CSPP1: variants seen among roughly 807,000 people sequenced by gnomAD.
The protein encoded by CSPP1 is centrosome and spindle pole associated protein 1.
CSPP1 carries 126 observed loss-of-function variants against 164.4 expected under a neutral mutation model. The observed-to-expected ratio is 0.77, with a 90% CI of 0.66 to 0.89. The LOEUF (loss-of-function observed/expected upper bound fraction) is 0.89. Ranked by LOEUF, CSPP1 falls within the 40% of genes least tolerant of loss-of-function variation. The pLI is 0.00. For missense variants in CSPP1, 1,395 were observed against 1,449.8 expected (o/e 0.96, Z 0.61); for synonymous variants, 472 against 476.7 (o/e 0.99, Z 0.13).
chr8:67,175,288 T>A lies in CSPP1; in HGVS notation c.2969-8T>A, dbSNP rs767905675. On this transcript the variant is annotated splice_region_variant and splice_polypyrimidine_tract_variant and intron_variant, in intron 25 of 30. Coordinates refer to ENST00000678616, the MANE Select transcript of CSPP1 (RefSeq NM_001382391.1). ...TAACTTAGTTATATAACATATTTTT[T>A]ATACCAGATTCAGAAACACGAGTTG... 8.7e-6 allele frequency: 14 copies of A among 1,600,440 alleles called. No homozygotes were observed. The East Asian group carries it at 3.1e-4, about 36-fold the overall frequency.
intron 9 of CSPP1, among the ~76,000 whole-genome samples, 200 bp from the exon 10 acceptor site, chr8:67,111,772 T>A (rs562511060): frequency 6.6e-6 from 1 of 152,184 alleles, no homozygotes; most frequent in Non-Finnish European, 1.5e-5. Flanking sequence ...TACTGTATCT[T>A]GTGTTTGACG....
At chr8:67,160,423 C>G (rs760512959) in intron 21 of CSPP1, among the ~76,000 whole-genome samples, 10 of 148,714 alleles carry the variant, frequency 6.7e-5, no homozygotes, top group Admixed American at 1.3e-4. Context: ...CGTGACTGCA[C>G]TGTGGCACTC....
intron 20 of CSPP1, 44 bp from the exon 21 acceptor site, chr8:67,158,947 T>G: frequency 6.8e-7 from 1 of 1,465,416 alleles, no homozygotes; most frequent in South Asian, 1.3e-5. Flanking sequence ...GAATGTACTA[T>G]AGAAGGAATA....
rs759126168 is a variant in CSPP1, at chr8:67,161,827, C to T, written c.2555C>T (p.Ser852Phe). Reference sequence around the variant, plus strand: ...ATTTTTCAGCACATGAGACAGCCTTCTCCTATAGTTCCTGCTCTTCAGAAC... The same window carrying T: ...ATTTTTCAGCACATGAGACAGCCTTTTCCTATAGTTCCTGCTCTTCAGAAC... ...GEETKHMRQPSPIVPALQNKI... is the reference protein window; with the variant it reads ...GEETKHMRQPFPIVPALQNKI... Residue 852 changes from serine (S) to phenylalanine (F), a missense_variant, in exon 22 of 31, where the codon TCT (serine) becomes TTT (phenylalanine). Ser to Phe is a radical substitution (Grantham distance 155, BLOSUM62 -2). Transcript: ENST00000678616. 2.5e-6 allele frequency: 4 copies of T among 1,612,802 alleles called. No homozygotes were observed. In the South Asian group the frequency reaches 3.3e-5, roughly 13 times the overall value.
chr8:67,139,971 T>C (rs928825124), intron 17 of CSPP1, among the ~76,000 whole-genome samples: 3 of 152,234 alleles, frequency 2.0e-5, no homozygotes, highest in Non-Finnish European at 4.4e-5. Context: ...TGTGCACACG[T>C]ACCCTAAAAT....
At chr8:67,091,324 CA>C (rs964460996) in intron 4 of CSPP1, among the ~76,000 whole-genome samples, 1 of 152,096 alleles carries the variant, frequency 6.6e-6, no homozygotes, top group Non-Finnish European at 1.5e-5. Context: ...AACACATAAA[CA>C]ACATTCATAG....
chr8:67,156,020 C>G (rs1387699811), intron 19 of CSPP1, among the ~76,000 whole-genome samples: 6 of 152,024 alleles, frequency 3.9e-5, no homozygotes, highest in African/African-American at 1.5e-4. Context: ...CGTAAAGGAC[C>G]GTGTGGTATA....
intron 23 of CSPP1, among the ~76,000 whole-genome samples, chr8:67,164,157 T>G (rs1431403917): frequency 2.6e-5 from 4 of 152,224 alleles, no homozygotes; most frequent in Non-Finnish European, 5.9e-5. Context: ...ATAGTTGCAC[T>G]CCCCCAAGAA....
At chr8:67,128,430 T>C (rs1237287567) in intron 15 of CSPP1, among the ~76,000 whole-genome samples, 1 of 151,688 alleles carries the variant, frequency 6.6e-6, no homozygotes, top group Non-Finnish European at 1.5e-5. Context: ...TTCTAGCTAC[T>C]CGGGAGGCTG....
At position 67,147,142 on chromosome 8, in the gene CSPP1, T is replaced by C. The variant is rs1393185412; in HGVS notation, c.1976-2641T>C. On this transcript the variant is annotated intron_variant, in intron 17 of 30. Transcript: ENST00000678616. Reference sequence around the variant, plus strand: ...TGAGAAGTCCATATATAATCAACAATAAATTATAATGTGTTATCGAAGTTT... The same window carrying C: ...TGAGAAGTCCATATATAATCAACAACAAATTATAATGTGTTATCGAAGTTT... Among the ~76,000 whole-genome samples the C allele has an allele frequency of 2.6e-5, 4 of 152,354 alleles. No individual in the cohort carries two copies. In the East Asian group the frequency reaches 5.8e-4, roughly 22 times the overall value.
chr8:67,166,437 C>T (rs548431763), intron 24 of CSPP1, among the ~76,000 whole-genome samples: 13 of 152,214 alleles, frequency 8.5e-5, no homozygotes, highest in Admixed American at 3.9e-4. Context: ...TAACATAGCA[C>T]GTTAATTTGA....
At position 67,132,071 on chromosome 8, in the gene CSPP1, G is replaced by A; in HGVS notation, c.1818G>A (p.Leu606=). ...KQSLQSYQEA[L]QQQIREREER... The stretch of plus-strand genomic sequence containing the variant: ...CACTTCAGTCTTACCAAGAGGCTTT[G>A]CAGCAGCAGGTATTGATTCATTTAC... The change falls in exon 16 of 31, where the codon TTG becomes TTA. Residue 606 remains leucine, a synonymous_variant. Transcript: ENST00000678616. 6.2e-7 allele frequency: 1 copy of A among 1,612,678 alleles called. No homozygotes were observed. The highest frequency in any genetic ancestry group is 8.5e-7 in the Non-Finnish European group (1 of 1,179,376).
chr8:67,137,367 C>A, intron 16 of CSPP1, 89 bp from the exon 17 acceptor site: 4 of 1,017,400 alleles, frequency 3.9e-6, no homozygotes, highest in Non-Finnish European at 3.9e-6. Flanking sequence ...TGCTTGTTTT[C>A]TAATACAAAA....
rs1459546695 is a variant in CSPP1, at chr8:67,190,666, A to G, written c.3237A>G (p.Thr1079=). 1.2e-6 allele frequency: 2 copies of G among 1,613,938 alleles called. No homozygotes were observed. The highest frequency in any genetic ancestry group is 1.7e-6 in the Non-Finnish European group (2 of 1,179,914). Reference sequence around the variant, plus strand: ...TCCTCTTAGGGGCTTACGGTGAGACATATCCTGCCATTGAAGATGACGTCC... The same window carrying G: ...TCCTCTTAGGGGCTTACGGTGAGACGTATCCTGCCATTGAAGATGACGTCC... ...DSAFIGAYGE[T]YPAIEDDVLP... Residue 1079 remains threonine, a synonymous_variant, in exon 29 of 31, where the codon ACA becomes ACG. Transcript: ENST00000678616.
chr8:67,189,698 G>C (rs1484407027), intron 28 of CSPP1, among the ~76,000 whole-genome samples: 1 of 152,118 alleles, frequency 6.6e-6, no homozygotes, highest in Non-Finnish European at 1.5e-5. Context: ...GAAATATTGA[G>C]AGACAAAATG....
intron 15 of CSPP1, among the ~76,000 whole-genome samples, chr8:67,127,188 C>T (rs1286593611): frequency 6.6e-6 from 1 of 152,150 alleles, no homozygotes; most frequent in Non-Finnish European, 1.5e-5. Flanking sequence ...TGGGATTGTT[C>T]CAAGCCTTCC....
At chr8:67,127,535 T>C (rs577830742) in intron 15 of CSPP1, among the ~76,000 whole-genome samples, 1 of 152,196 alleles carries the variant, frequency 6.6e-6, no homozygotes, top group Admixed American at 6.5e-5. Context: ...ATCAGAATAG[T>C]ACGCAGGGCT....
intron 20 of CSPP1, 33 bp from the exon 21 acceptor site, chr8:67,158,958 T>G (rs894564309): frequency 1.3e-6 from 2 of 1,521,784 alleles, no homozygotes; most frequent in Admixed American, 3.9e-5. Flanking sequence ...AGAAGGAATA[T>G]ATGGAATGCA....
chr8:67,115,949 A>T lies in CSPP1; in HGVS notation c.1323A>T (p.Arg441Ser). Residue 441 changes from arginine to serine, a missense_variant, in exon 13 of 31, where the codon AGA (arginine) becomes AGT (serine). Arg to Ser is a moderately radical substitution (Grantham distance 110, BLOSUM62 -1). Coordinates refer to ENST00000678616, the MANE Select transcript of CSPP1 (RefSeq NM_001382391.1). The stretch of plus-strand genomic sequence containing the variant: ...TAAAGCAGTTTAGTGTGGCACCAAG[A>T]CACTTTGAAGAGATGATACCACCTG... Reference protein sequence around the residue: ...DRLKQFSVAPRHFEEMIPPER... With the variant: ...DRLKQFSVAPSHFEEMIPPER... 1 of 1,613,978 alleles carries T rather than the reference A, an allele frequency of 6.2e-7. No individual in the cohort carries two copies. The highest frequency in any genetic ancestry group is 8.5e-7 in the Non-Finnish European group (1 of 1,179,966).
Sources: gnomAD v4.1 joint callset for allele counts (sites outside exome capture counted in the v4.1 genomes callset) on GRCh38, gnomAD v4.1.1 for gene constraint, MANE v1.5 for transcripts, NCBI Gene and HGNC (gene_info 2026-07-23, HGNC 2026-07-21) for gene names.